NSRP1: variants seen among roughly 807,000 people sequenced by gnomAD.
NSRP1 encodes coiled-coil domain containing 55.
A neutral mutation model predicts 54.7 loss-of-function variants in NSRP1; 24 were observed. The ratio of observed to expected loss-of-function variants is 0.44; its 90% CI spans 0.32 to 0.62. NSRP1 has a LOEUF of 0.62. NSRP1 is among the 20% of genes least tolerant of loss of function. The pLI, the probability that NSRP1 is intolerant of heterozygous loss-of-function variation, is 0.06. For synonymous variants in NSRP1, 210 were observed against 213.8 expected (o/e 0.98, Z 0.15); for missense variants, 596 against 651.2 (o/e 0.92, Z 0.92).
chr17:30,138,283 A>G (rs2071767732), intron 2 of NSRP1, among the ~76,000 whole-genome samples: 1 of 152,168 alleles, frequency 6.6e-6, no homozygotes, highest in South Asian at 2.1e-4. Context: ...TGCTATGAAC[A>G]TGGCTGTATA....
chr17:30,151,107 CT>C (rs759728283), intron 2 of NSRP1, among the ~76,000 whole-genome samples: 160 of 152,168 alleles, frequency 1.1e-3, no homozygotes, highest in Non-Finnish European at 2.0e-3. Flanking sequence ...TGTTGAGCAC[CT>C]TTTCATGTGC....
At position 30,118,292 on chromosome 17, in the gene NSRP1, A is replaced by C; in HGVS notation, c.114+119A>C. The C allele has an allele frequency of 1.2e-5, 8 of 654,830 alleles. No individual in the cohort carries two copies. In the South Asian group the frequency reaches 2.2e-4, roughly 18 times the overall value. 40.6% of individuals were successfully genotyped at this position (654,830 alleles called of 1,614,324 possible). ...GTCAGTACAGTGGAGTATAATTTACAGAATTGTCAAAAAGGAAGGTGTAAA... is the reference window on the plus strand; with the variant it reads ...GTCAGTACAGTGGAGTATAATTTACCGAATTGTCAAAAAGGAAGGTGTAAA... On this transcript the variant is annotated intron_variant, in intron 2 of 6. Coordinates refer to ENST00000247026, the MANE Select transcript of NSRP1 (RefSeq NM_032141.4).
intron 2 of NSRP1, among the ~76,000 whole-genome samples, chr17:30,127,428 T>C (rs2071660120): frequency 6.6e-6 from 1 of 152,220 alleles, no homozygotes; most frequent in Admixed American, 6.5e-5. Context: ...GTTGCACTTT[T>C]TTTGGAGACA....
chr17:30,163,941 C>T (rs1406903042), intron 2 of NSRP1, among the ~76,000 whole-genome samples: 1 of 152,090 alleles, frequency 6.6e-6, no homozygotes, highest in African/African-American at 2.4e-5. Context: ...CCTCCTCGAC[C>T]TCCCAAAGTG....
chr17:30,122,370 TATATATATATATATA>T (rs1373778147), intron 2 of NSRP1: 16 of 31,576 alleles, frequency 5.1e-4, no homozygotes, highest in East Asian at 1.4e-3. Flanking sequence ...TATATATATA[TATATATATATATATA>T]TTTTTTTTTT....
intron 2 of NSRP1, chr17:30,122,377 A>T (rs1276610281): frequency 7.5e-5 from 2 of 26,748 alleles, no homozygotes; most frequent in Non-Finnish European, 1.5e-4. Flanking sequence ...ATATATATAT[A>T]TATATATATT....
intron 2 of NSRP1, among the ~76,000 whole-genome samples, chr17:30,135,687 G>T (rs1410790488): frequency 1.3e-5 from 2 of 148,604 alleles, no homozygotes; most frequent in Non-Finnish European, 3.0e-5. Context: ...TGTTAGCCAG[G>T]ATGGTCTCGA....
chr17:30,175,813 A>T (rs1311215537), intron 3 of NSRP1, among the ~76,000 whole-genome samples: 3 of 152,002 alleles, frequency 2.0e-5, no homozygotes, highest in African/African-American at 7.2e-5. Flanking sequence ...TTTTATAAAT[A>T]TTTCCTCTGT....
At chr17:30,117,799 AT>A (rs2071555963) in intron 1 of NSRP1, among the ~76,000 whole-genome samples, 1 of 147,320 alleles carries the variant, frequency 6.8e-6, no homozygotes, top group African/African-American at 2.5e-5. Context: ...TCACTTCGCC[AT>A]CTTAAAACAT....
chr17:30,178,225 T>C lies in NSRP1; in HGVS notation c.300+26T>C, dbSNP rs764012950. 4.7e-5 allele frequency: 74 copies of C among 1,585,618 alleles called. No homozygotes were observed. The South Asian group carries it at 7.2e-4, about 15-fold the overall frequency. ...GTTTGTAAGCTGAAATAACAAACTT[T>C]CTTTGACCTTGACCTACATTTTGTG... is the stretch of plus-strand genomic sequence containing the variant. On this transcript the variant is annotated intron_variant, in intron 4 of 6. Transcript: ENST00000247026.
At chr17:30,125,925 G>A (rs941936802) in intron 2 of NSRP1, 2 of 152,102 alleles carry the variant, frequency 1.3e-5, no homozygotes, top group African/African-American at 4.8e-5. Context: ...GAGATGGTTG[G>A]GGGGGTGGTG....
intron 2 of NSRP1, among the ~76,000 whole-genome samples, chr17:30,122,090 C>T (rs1187126902): frequency 6.6e-6 from 1 of 151,918 alleles, no homozygotes; most frequent in Non-Finnish European, 1.5e-5. Flanking sequence ...ACTTCTTTCA[C>T]TTAGCATGAT....
chr17:30,185,475 A>G lies in NSRP1; in HGVS notation c.1478A>G (p.Glu493Gly), dbSNP rs373476348. ...AACCAAGAGAAACCCTCTAATTCTG[A>G]ATCATCACTGGGAGCAAAACACAGA... is the stretch of plus-strand genomic sequence containing the variant. ...ERNQEKPSNS[E>G]SSLGAKHRLT... is the part of the protein sequence containing the mutation. The change falls in exon 7 of 7, where the codon GAA becomes GGA. Residue 493 changes from glutamate (E) to glycine (G), a missense_variant. Glu to Gly is a moderately conservative substitution (Grantham distance 98). Coordinates refer to ENST00000247026, the MANE Select transcript of NSRP1 (RefSeq NM_032141.4). The G allele has an allele frequency of 6.2e-7, 1 of 1,612,100 alleles. No homozygotes were observed. The highest frequency in any genetic ancestry group is 1.3e-5 in the African/African-American group (1 of 74,694).
chr17:30,172,647 A>G, intron 3 of NSRP1, 49 bp downstream of exon 3: 1 of 1,474,110 alleles, frequency 6.8e-7, no homozygotes, highest in Admixed American at 1.9e-5. Flanking sequence ...ATTCCGGCTC[A>G]TTTTTAAGCA....
intron 3 of NSRP1, among the ~76,000 whole-genome samples, chr17:30,173,587 A>C (rs747399112): frequency 1.3e-5 from 2 of 152,318 alleles, no homozygotes; most frequent in Non-Finnish European, 2.9e-5. Flanking sequence ...CTCTTTGTCT[A>C]ACTGGAAACC....
intron 6 of NSRP1, among the ~76,000 whole-genome samples, chr17:30,184,380 G>T (rs1567809065): frequency 6.6e-6 from 1 of 152,102 alleles, no homozygotes; most frequent in Non-Finnish European, 1.5e-5. Flanking sequence ...GTAGACAAGG[G>T]CTAATTTTCT....
In NSRP1 at chr17:30,166,378, A is replaced by G. The variant is rs556133884; in HGVS notation, c.115-6164A>G. On this transcript the variant is annotated intron_variant, in intron 2 of 6. Coordinates refer to ENST00000247026, the MANE Select transcript of NSRP1 (RefSeq NM_032141.4). Reference sequence around the variant, plus strand: ...TCTATTTTTTCTCTTGCTGAGTTCAATAAGATCAACCCTTCCCTGATTTAT... The same window carrying G: ...TCTATTTTTTCTCTTGCTGAGTTCAGTAAGATCAACCCTTCCCTGATTTAT... 9.2e-5 allele frequency among the ~76,000 whole-genome samples: 14 copies of G among 152,318 alleles called. No homozygotes were observed. In the South Asian group the frequency reaches 2.1e-3, roughly 23 times the overall value.
At chr17:30,182,616 T>G (rs903984589) in intron 6 of NSRP1, among the ~76,000 whole-genome samples, 2 of 151,022 alleles carry the variant, frequency 1.3e-5, no homozygotes, top group African/African-American at 4.9e-5. Flanking sequence ...CACTCCAACC[T>G]GGCGACAGAG....
chr17:30,177,976 T>G, intron 3 of NSRP1, 95 bp from the exon 4 acceptor site: 1 of 1,338,630 alleles, frequency 7.5e-7, no homozygotes. Flanking sequence ...TTTTATGATA[T>G]ATTTTCAATT....
Sources: gnomAD v4.1 joint callset for allele counts (sites outside exome capture counted in the v4.1 genomes callset) on GRCh38, gnomAD v4.1.1 for gene constraint, MANE v1.5 for transcripts, NCBI Gene and HGNC (gene_info 2026-07-23, HGNC 2026-07-21) for gene names.